Variants in LOXL4 observed in about 807,000 individuals in gnomAD.
The protein encoded by LOXL4 is lysyl oxidase homolog 4.
LOXL4 carries 72 observed loss-of-function variants against 89.1 expected under a neutral mutation model. That is an observed-to-expected ratio of 0.81 (90% CI 0.67 to 0.98). The LOEUF is 0.98. Among genes scored for constraint, LOXL4 ranks in the 50% least tolerant of loss-of-function variants. The pLI is 0.00. For missense variants in LOXL4, 984 were observed against 1,017.5 expected (o/e 0.97, Z 0.45); for synonymous variants, 355 against 392.1 (o/e 0.91, Z 1.12).
Position 98,253,759 on chromosome 10 carries a change from C to G in LOXL4, c.1629G>C (p.Gln543His), listed in dbSNP as rs1396736770. 6.2e-7 allele frequency: 1 copy of G among 1,614,054 alleles called. No individual in the cohort carries two copies. Among genetic ancestry groups the G allele is most frequent in the African/African-American group, 1.3e-5 (1 of 74,932 alleles). The change falls in exon 11 of 15, where the codon CAG becomes CAC. Residue 543 changes from glutamine (Q) to histidine (H), a missense_variant. Transcript: ENST00000260702. ...PDLVMNAQLV[Q>H]ETAYLEDRPL... ...GGCGGTCCTCCAAGTAGGCCGTCTC[C>G]TGCACTAGCTGGGCGTTCATCACCA... is the stretch of plus-strand genomic sequence containing the variant.
rs759692831 is a variant in LOXL4, at chr10:98,261,003, C to T, written c.581G>A (p.Gly194Asp). ...CACCCTGCTGTTGTTCATGGTCCAG[C>T]CCTGGTCACACACCTGCCGCCAGTG... is the stretch of plus-strand genomic sequence containing the variant. ...EGHWRQVCDQGWTMNNSRVVC... is the reference protein window; with the variant it reads ...EGHWRQVCDQDWTMNNSRVVC... The change falls in exon 4 of 15, where the codon GGC becomes GAC. Residue 194 changes from glycine to aspartate, a missense_variant. Physicochemically the swap from Gly to Asp is moderately conservative, Grantham distance 94 (BLOSUM62 -1). Transcript: ENST00000260702. The T allele has an allele frequency of 2.7e-5, 44 of 1,613,916 alleles. No homozygotes were observed. The South Asian group carries it at 3.7e-4, about 14-fold the overall frequency.
At chr10:98,260,380 T>G (rs758819042) in intron 4 of LOXL4, among the ~76,000 whole-genome samples, 3 of 151,806 alleles carry the variant, frequency 2.0e-5, no homozygotes, top group African/African-American at 4.8e-5. Context: ...TTGTCTAAAC[T>G]CTACACGTGG....
chr10:98,256,598 A>G, intron 9 of LOXL4, 182 bp downstream of exon 9: 2 of 656,822 alleles, frequency 3.0e-6, no homozygotes, highest in South Asian at 4.0e-5. Context: ...TGACGATTTC[A>G]TTAGGACTAT....
intron 14 of LOXL4, among the ~76,000 whole-genome samples, chr10:98,250,688 A>G (rs956093845): frequency 6.6e-6 from 1 of 152,206 alleles, no homozygotes; most frequent in African/African-American, 2.4e-5. Flanking sequence ...CAAGAGGACT[A>G]CTTTTGCCTG....
intron 4 of LOXL4, among the ~76,000 whole-genome samples, chr10:98,260,457 C>A (rs1858503961): frequency 6.8e-6 from 1 of 146,352 alleles, no homozygotes; most frequent in Admixed American, 7.1e-5. Flanking sequence ...TTATGTTCAA[C>A]TGTTTTCACC....
rs780601635 is a variant in LOXL4 at position 98,253,826 on chromosome 10, C to CA, written c.1592-31dup. 1.2e-3 allele frequency: 1,926 copies of CA among 1,612,110 alleles called. 1 individual carries two copies. The highest frequency in any genetic ancestry group is 1.4e-3 in the Non-Finnish European group (1,695 of 1,179,482). On this transcript the variant is annotated intron_variant, in intron 10 of 14. Coordinates refer to ENST00000260702, the MANE Select transcript of LOXL4 (RefSeq NM_032211.7). ...GGCGGCGGAGGGCATGGCAGTGACT[C>CA]AAAGGGTGGAAAGGCAGCCAGTCTT... is the stretch of plus-strand genomic sequence containing the variant.
At chr10:98,261,631 C>G (rs995959589) in intron 3 of LOXL4, among the ~76,000 whole-genome samples, 1 of 152,242 alleles carries the variant, frequency 6.6e-6, no homozygotes, top group East Asian at 1.9e-4. Flanking sequence ...GCCAGCTGTC[C>G]TGAGGCTGGA....
At position 98,252,244 on chromosome 10, in the gene LOXL4, T is replaced by A. The variant is rs1285817157; in HGVS notation, c.1951+109A>T. 6 of 771,574 alleles carry A rather than the reference T, an allele frequency of 7.8e-6. No individual in the cohort carries two copies. In the East Asian group the frequency reaches 1.6e-4, roughly 20 times the overall value. The allele number at this position is 771,574 out of a possible 1,614,324, so 47.8% of individuals were successfully genotyped here. A position where few individuals can be genotyped will look rare whatever the true frequency, so the allele number is the denominator to read the frequency against. ...AATGCTAACTTTTCAAGCCAGGGTC[T>A]CCAGGTGCCCTGGGCTGCTGAACAG... On this transcript the variant is annotated intron_variant, in intron 12 of 14. Coordinates refer to ENST00000260702, the MANE Select transcript of LOXL4 (RefSeq NM_032211.7).
intron 1 of LOXL4, among the ~76,000 whole-genome samples, chr10:98,265,871 C>A (rs1331329768): frequency 6.6e-6 from 1 of 152,166 alleles, no homozygotes; most frequent in Non-Finnish European, 1.5e-5. Flanking sequence ...TTCCCTCCAC[C>A]CACACTGCAG....
At position 98,257,699 on chromosome 10, in the gene LOXL4, T is replaced by C. The variant is rs768366961; in HGVS notation, c.1211A>G (p.Asn404Ser). The C allele has an allele frequency of 6.2e-7, 1 of 1,613,990 alleles. No individual in the cohort carries two copies. The highest frequency in any genetic ancestry group is 8.5e-7 in the Non-Finnish European group (1 of 1,180,002). ...EGSQNGCQHE[N>S]DAAVRCNVPN... is the part of the protein sequence containing the mutation. Reference sequence around the variant, plus strand: ...GACATTGCACCTGACAGCAGCATCATTCTCATGTTGGCAACCATTCTGGGA... The same window carrying C: ...GACATTGCACCTGACAGCAGCATCACTCTCATGTTGGCAACCATTCTGGGA... Residue 404 changes from asparagine (N) to serine (S), a missense_variant, in exon 8 of 15, where the codon AAT (asparagine) becomes AGT (serine). Transcript: ENST00000260702.
intron 12 of LOXL4, 28 bp from the exon 13 acceptor site, chr10:98,251,730 G>A (rs779757991): frequency 2.2e-5 from 35 of 1,612,510 alleles, no homozygotes; most frequent in Non-Finnish European, 1.0e-5. Flanking sequence ...GACAGGTTTT[G>A]AGGCAGGACG....
At chr10:98,250,799 A>T (rs1858168790) in intron 14 of LOXL4, among the ~76,000 whole-genome samples, 1 of 152,236 alleles carries the variant, frequency 6.6e-6, no homozygotes, top group Admixed American at 6.5e-5. Flanking sequence ...TCTAGAACAG[A>T]TTGGAAACTG....
chr10:98,251,521 T>C (rs1340595635), intron 13 of LOXL4, 45 bp downstream of exon 13: 5 of 1,606,136 alleles, frequency 3.1e-6, no homozygotes, highest in Admixed American at 1.7e-5. Flanking sequence ...TTGTGGAACA[T>C]CTGGAGGAAA....
chr10:98,267,253 C>T (rs1334689035), intron 1 of LOXL4, among the ~76,000 whole-genome samples: 1 of 152,018 alleles, frequency 6.6e-6, no homozygotes, highest in Non-Finnish European at 1.5e-5. Flanking sequence ...ACTGAAATTC[C>T]ACCCTGTTCT....
chr10:98,252,546 C>G, intron 11 of LOXL4, 78 bp from the exon 12 acceptor site: 1 of 944,468 alleles, frequency 1.1e-6, no homozygotes, highest in South Asian at 1.4e-5. Context: ...GGAAGACAGG[C>G]CCCAGGCCCC....
At chr10:98,249,200 G>C (rs1858120292) in intron 14 of LOXL4, among the ~76,000 whole-genome samples, 1 of 152,196 alleles carries the variant, frequency 6.6e-6, no homozygotes, top group African/African-American at 2.4e-5. Flanking sequence ...GGAAAGAGTT[G>C]TGCTAGTTAT....
At position 98,253,641 on chromosome 10, in the gene LOXL4, G is replaced by T. The variant is rs144191380; in HGVS notation, c.1747C>A (p.Arg583Ser). Residue 583 changes from arginine to serine, a missense_variant, in exon 11 of 15, where the codon CGC becomes AGC. Coordinates refer to ENST00000260702, the MANE Select transcript of LOXL4 (RefSeq NM_032211.7). ...DWPYGYRRLLRFSTQIYNLGR... is the reference protein window; with the variant it reads ...DWPYGYRRLLSFSTQIYNLGR... ...AGATTGTAGATCTGTGTGGAGAAGC[G>T]CAATAGGCGGCGGTATCCGTAGGGC... 2.0e-5 allele frequency: 33 copies of T among 1,614,098 alleles called. No individual in the cohort carries two copies. The highest frequency in any genetic ancestry group is 2.6e-5 in the Non-Finnish European group (31 of 1,180,048).
At position 98,258,961 on chromosome 10, in the gene LOXL4, G is replaced by A. The variant is rs777154848; in HGVS notation, c.921+48C>T. The A allele has an allele frequency of 2.1e-5, 30 of 1,445,958 alleles. No homozygotes were observed. The Admixed American group carries it at 3.0e-4, about 15-fold the overall frequency. 89.6% of individuals were successfully genotyped at this position (1,445,958 alleles called of 1,614,324 possible). ...CGCACCCCCCACCAGGCAGTGTCCC[G>A]CCCGTGCCTCCAAGCTGTGGTGTGA... is the stretch of plus-strand genomic sequence containing the variant. On this transcript the variant is annotated intron_variant, in intron 6 of 14. Transcript: ENST00000260702.
At chr10:98,255,083 C>G (rs1395770712) in intron 10 of LOXL4, among the ~76,000 whole-genome samples, 1 of 95,686 alleles carries the variant, frequency 1.0e-5, no homozygotes, top group Non-Finnish European at 2.4e-5. Flanking sequence ...TGGCCTTGTC[C>G]CAAAGTCTTT....
Sources: allele counts gnomAD v4.1 joint callset (sites outside exome capture counted in the v4.1 genomes callset), GRCh38; gene constraint gnomAD v4.1.1; transcripts MANE v1.5; gene names NCBI Gene and HGNC (gene_info 2026-07-23, HGNC 2026-07-21).